The following RBMS3 variants were observed in gnomAD, a reference collection of about 807,000 sequenced individuals.
RBMS3 encodes the protein RNA binding motif single stranded interacting protein 3.
RBMS3 carries 27 observed loss-of-function variants against 66.8 expected under a neutral mutation model. The observed-to-expected ratio is 0.40, with a 90% confidence interval of 0.30 to 0.56. The LOEUF (loss-of-function observed/expected upper bound fraction) is 0.56, where lower values mean the gene tolerates loss of function less well. RBMS3 is among the 20% of genes least tolerant of loss of function. The probability of loss-of-function intolerance (pLI) is 0.40; values close to 1 mark genes in which losing one functional copy is unlikely to be tolerated. For synonymous variants in RBMS3, 188 were observed against 183.0 expected, an observed-to-expected ratio of 1.03 and a Z score of -0.22; for missense variants, 513 against 549.5, an observed-to-expected ratio of 0.93 and a Z score of 0.66.
chr3:29,647,993 C>T (rs1007549363), intron 4 of RBMS3, among the ~76,000 whole-genome samples: 37 of 152,194 alleles, frequency 2.4e-4, no homozygotes, highest in African/African-American at 8.9e-4. Flanking sequence ...ACTTCATGTT[C>T]TGCAAAATCA....
chr3:29,578,368 T>C (rs1315051796), intron 3 of RBMS3, among the ~76,000 whole-genome samples: 1 of 147,682 alleles, frequency 6.8e-6, no homozygotes, highest in African/African-American at 2.7e-5. Context: ...ATATAAGTGC[T>C]TTTTTTATTT....
At position 30,003,929 on chromosome 3, in the gene RBMS3, G is replaced by T; in HGVS notation, c.*67G>T. 7.4e-7 allele frequency: 1 copy of T among 1,345,112 alleles called. No homozygotes were observed. The highest frequency in any genetic ancestry group is 2.5e-5 in the East Asian group (1 of 39,594). 83.3% of individuals were successfully genotyped at this position (1,345,112 alleles called of 1,614,324 possible). A position where few individuals can be genotyped will look rare whatever the true frequency, so the allele number is the denominator to read the frequency against. ...AAGAAACTTCATTGAACAAGAAGTTGGCTTCCAGTTTGCACAGACGTCAAT... is the reference window on the plus strand; with the variant it reads ...AAGAAACTTCATTGAACAAGAAGTTTGCTTCCAGTTTGCACAGACGTCAAT... On this transcript the variant is annotated 3_prime_UTR_variant, in exon 15 of 15. Transcript: ENST00000383767.
chr3:29,488,713 G>C (rs1033326146), intron 3 of RBMS3, among the ~76,000 whole-genome samples: 1 of 152,082 alleles, frequency 6.6e-6, no homozygotes, highest in African/African-American at 2.4e-5. Flanking sequence ...TCACAAATCA[G>C]AACAAGTATC....
chr3:29,398,117 G>T (rs1424658141), intron 1 of RBMS3, among the ~76,000 whole-genome samples: 2 of 152,104 alleles, frequency 1.3e-5, no homozygotes, highest in South Asian at 2.1e-4. Context: ...GGCTATATGA[G>T]CATCATAAAT....
chr3:29,698,381 A>T (rs1318234802), intron 4 of RBMS3: 30 of 960,358 alleles, frequency 3.1e-5, no homozygotes, highest in Non-Finnish European at 3.6e-5. Flanking sequence ...TGTAAACCAG[A>T]TTTTTTTTTT....
intron 4 of RBMS3, among the ~76,000 whole-genome samples, chr3:29,660,595 C>T (rs1025111122): frequency 2.0e-5 from 3 of 151,410 alleles, no homozygotes; most frequent in African/African-American, 7.3e-5. Flanking sequence ...TGTTGCCTCC[C>T]CAGGGTTAGC....
intron 10 of RBMS3, among the ~76,000 whole-genome samples, chr3:29,912,595 T>A (rs2060543531): frequency 6.6e-6 from 1 of 152,084 alleles, no homozygotes; most frequent in Admixed American, 6.6e-5. Context: ...TAATTGGCAG[T>A]TACATCTGTA....
At chr3:29,934,308 T>TG (rs931945417) in intron 10 of RBMS3, among the ~76,000 whole-genome samples, 18 of 150,152 alleles carry the variant, frequency 1.2e-4, no homozygotes, top group African/African-American at 4.4e-4. Context: ...ACTTTTTGGT[T>TG]GAAAAAAAAA....
chr3:29,732,505 C>T (rs2054180372), intron 4 of RBMS3, among the ~76,000 whole-genome samples: 1 of 152,140 alleles, frequency 6.6e-6, no homozygotes, highest in Admixed American at 6.6e-5. Flanking sequence ...CAAGTTGACA[C>T]ATAAAATTAA....
intron 6 of RBMS3, among the ~76,000 whole-genome samples, chr3:29,804,043 G>C (rs2057468335): frequency 6.6e-6 from 1 of 151,908 alleles, no homozygotes; most frequent in Non-Finnish European, 1.5e-5. Flanking sequence ...CACAGATAAG[G>C]AAATTTATAC....
intron 3 of RBMS3, among the ~76,000 whole-genome samples, chr3:29,570,901 C>G (rs563369877): frequency 6.6e-6 from 1 of 152,222 alleles, no homozygotes; most frequent in Non-Finnish European, 1.5e-5. Flanking sequence ...GAAATCCAAA[C>G]TCTTCTCCAT....
intron 3 of RBMS3, among the ~76,000 whole-genome samples, chr3:29,586,011 T>G (rs2047507770): frequency 6.6e-6 from 1 of 152,070 alleles, no homozygotes; most frequent in South Asian, 2.1e-4. Flanking sequence ...TTGGTTATTT[T>G]GGGGTGAGAG....
At chr3:29,774,781 CT>C (rs1408618270) in intron 6 of RBMS3, among the ~76,000 whole-genome samples, 1 of 151,948 alleles carries the variant, frequency 6.6e-6, no homozygotes, top group Non-Finnish European at 1.5e-5. Context: ...ATCCAGCTGT[CT>C]TTTATTAAGC....
At chr3:29,693,138 A>G (rs2052109007) in intron 4 of RBMS3, among the ~76,000 whole-genome samples, 1 of 143,948 alleles carries the variant, frequency 6.9e-6, no homozygotes, top group Non-Finnish European at 1.6e-5. Context: ...CAACATTATG[A>G]TATCTGATAG....
intron 4 of RBMS3, among the ~76,000 whole-genome samples, chr3:29,715,945 C>T (rs2053374062): frequency 6.6e-6 from 1 of 151,962 alleles, no homozygotes; most frequent in South Asian, 2.1e-4. Context: ...TTTGTTCTGC[C>T]ATATTATTTC....
intron 3 of RBMS3, among the ~76,000 whole-genome samples, chr3:29,542,354 A>G (rs1371534651): frequency 7.2e-6 from 1 of 139,652 alleles, no homozygotes; most frequent in African/African-American, 3.1e-5. Flanking sequence ...AAGAATTATC[A>G]TCTCCAATTT....
intron 3 of RBMS3, among the ~76,000 whole-genome samples, chr3:29,554,398 A>T (rs2046276694): frequency 6.6e-6 from 1 of 152,248 alleles, no homozygotes; most frequent in Non-Finnish European, 1.5e-5. Flanking sequence ...TTCACTAAGC[A>T]GTAACAGTCA....
intron 10 of RBMS3, among the ~76,000 whole-genome samples, chr3:29,935,866 T>C (rs1320279275): frequency 1.3e-5 from 2 of 152,046 alleles, no homozygotes; most frequent in African/African-American, 4.8e-5. Flanking sequence ...ACATCACAGG[T>C]AAATTACCTC....
intron 3 of RBMS3, among the ~76,000 whole-genome samples, chr3:29,569,981 C>T (rs1411711670): frequency 6.6e-6 from 1 of 151,648 alleles, no homozygotes; most frequent in Non-Finnish European, 1.5e-5. Context: ...AAAGCAGTTG[C>T]TTAGGGAAAA....
Sources: gnomAD v4.1 joint callset for allele counts (sites outside exome capture counted in the v4.1 genomes callset) on GRCh38, gnomAD v4.1.1 for gene constraint, MANE v1.5 for transcripts, NCBI Gene and HGNC (gene_info 2026-07-23, HGNC 2026-07-21) for gene names.